Variants in ZNF618 observed in about 807,000 individuals in gnomAD.
ZNF618 encodes neural precursor cell expressed, developmentally down-regulated 10.
Under a neutral mutation model 103.0 loss-of-function variants are expected in ZNF618, and 34 were observed. That is an observed-to-expected ratio of 0.33 (90% CI 0.25 to 0.44). The LOEUF is 0.44. ZNF618 is among the 20% of genes least tolerant of loss of function. The probability of loss-of-function intolerance (pLI) is 1.00; values close to 1 mark genes in which losing one functional copy is unlikely to be tolerated. For synonymous variants in ZNF618, 551 were observed against 542.2 expected (o/e 1.02, Z -0.23); for missense variants, 1,059 against 1,295.4 (o/e 0.82, Z 2.80).
At chr9:113,901,867 C>T (rs528494034) in intron 1 of ZNF618, among the ~76,000 whole-genome samples, 37 of 152,142 alleles carry the variant, frequency 2.4e-4, no homozygotes, top group Middle Eastern at 3.4e-3. Context: ...TTTTCCTCTG[C>T]GTGTCTAACT....
intron 1 of ZNF618, among the ~76,000 whole-genome samples, chr9:113,899,287 C>T (rs1404057822): frequency 1.3e-5 from 2 of 152,174 alleles, no homozygotes; most frequent in Admixed American, 6.5e-5. Flanking sequence ...GCCCATTAAA[C>T]AGCCACTCCC....
In ZNF618 at chr9:114,053,234, A is replaced by G. The variant is rs1846241280; in HGVS notation, c.*3067A>G. 6.6e-6 allele frequency: 1 copy of G among 152,364 alleles called. No individual in the cohort carries two copies. The highest frequency in any genetic ancestry group is 6.5e-5 in the Admixed American group (1 of 15,268). 9.4% of individuals were successfully genotyped at this position (152,364 alleles called of 1,614,324 possible). On this transcript the variant is annotated 3_prime_UTR_variant, in exon 15 of 15. Coordinates refer to ENST00000374126, the MANE Select transcript of ZNF618 (RefSeq NM_001318042.2). ...CTTTATCTCCAACAATATCCACCTC[A>G]CCAAATTCTAGTTCAGCCAAAGGAT...
At chr9:113,899,726 G>A (rs1830350190) in intron 1 of ZNF618, among the ~76,000 whole-genome samples, 2 of 152,310 alleles carry the variant, frequency 1.3e-5, no homozygotes, top group South Asian at 4.1e-4. Flanking sequence ...GACTTACACA[G>A]CATTTGTGTT....
At chr9:113,995,484 C>T (rs956258417) in intron 3 of ZNF618, among the ~76,000 whole-genome samples, 5 of 152,078 alleles carry the variant, frequency 3.3e-5, no homozygotes, top group African/African-American at 2.4e-5. Context: ...AGACAAGATT[C>T]GACATTAATT....
At chr9:113,983,902 C>T (rs1839203835) in intron 2 of ZNF618, among the ~76,000 whole-genome samples, 1 of 152,146 alleles carries the variant, frequency 6.6e-6, no homozygotes, top group African/African-American at 2.4e-5. Context: ...TTCTGCTGTT[C>T]CAGTGGGCCC....
chr9:113,931,090 A>T (rs1306695138), intron 1 of ZNF618, among the ~76,000 whole-genome samples: 2 of 152,234 alleles, frequency 1.3e-5, no homozygotes, highest in Non-Finnish European at 2.9e-5. Flanking sequence ...TGGACACAGG[A>T]ATACACCATT....
chr9:113,951,421 A>ATG lies in ZNF618; in HGVS notation c.34-17686_34-17685dup, dbSNP rs141342636. On this transcript the variant is annotated intron_variant, in intron 1 of 14. Coordinates refer to ENST00000374126, the MANE Select transcript of ZNF618 (RefSeq NM_001318042.2). The stretch of plus-strand genomic sequence containing the variant: ...TATATACGTATATATACACACATAT[A>ATG]TGTGTGTGTGTATATATATACATAT... Among the ~76,000 whole-genome samples the ATG allele has an allele frequency of 9.5e-4, 14 of 14,750 alleles. 1 individual carries two copies. Among genetic ancestry groups the ATG allele is most frequent in the South Asian group, 0.01 (2 of 192 alleles). 9.7% of individuals were successfully genotyped at this position (14,750 alleles called of 152,430 possible). A position where few individuals can be genotyped will look rare whatever the true frequency, so the allele number is the denominator to read the frequency against.
At chr9:114,025,647 T>A (rs1270262792) in intron 10 of ZNF618, among the ~76,000 whole-genome samples, 1 of 152,138 alleles carries the variant, frequency 6.6e-6, no homozygotes, top group African/African-American at 2.4e-5. Context: ...CCTGGGACAT[T>A]GATCCTGGCC....
chr9:113,883,998 C>T (rs923968230), intron 1 of ZNF618, among the ~76,000 whole-genome samples: 2 of 55,000 alleles, frequency 3.6e-5, no homozygotes, highest in African/African-American at 1.1e-4. Flanking sequence ...CCCCCCCCCC[C>T]CCCCGCCCTG....
chr9:113,919,637 C>T (rs1306167654), intron 1 of ZNF618, among the ~76,000 whole-genome samples: 1 of 152,116 alleles, frequency 6.6e-6, no homozygotes, highest in African/African-American at 2.4e-5. Flanking sequence ...AACGGCGGGG[C>T]CAGCCCTCTC....
Position 114,054,359 on chromosome 9 carries a change from A to G in ZNF618, c.*4192A>G, listed in dbSNP as rs2134781406. 2 of 152,380 alleles carry G rather than the reference A, an allele frequency of 1.3e-5. No individual in the cohort carries two copies. Among genetic ancestry groups the G allele is most frequent in the East Asian group, 3.9e-4 (2 of 5,174 alleles). The allele number at this position is 152,380 out of a possible 1,614,324, so 9.4% of individuals were successfully genotyped here. A position where few individuals can be genotyped will look rare whatever the true frequency, so the allele number is the denominator to read the frequency against. On this transcript the variant is annotated 3_prime_UTR_variant, in exon 15 of 15. Transcript: ENST00000374126. ...TGGCTCCATTGGGGACACTCCCCTC[A>G]TCTTGTCATCACGATGGATATGCTG...
chr9:113,918,556 C>G (rs776564991), intron 1 of ZNF618, among the ~76,000 whole-genome samples: 6 of 151,930 alleles, frequency 3.9e-5, no homozygotes, highest in Non-Finnish European at 7.4e-5. Flanking sequence ...AAGATCTCTC[C>G]TTTCTCCTCC....
chr9:113,975,197 A>G (rs1838365394), intron 2 of ZNF618, among the ~76,000 whole-genome samples: 2 of 152,076 alleles, frequency 1.3e-5, no homozygotes, highest in Admixed American at 1.3e-4. Flanking sequence ...CATGATCCAA[A>G]TATGTGTCTT....
intron 1 of ZNF618, among the ~76,000 whole-genome samples, chr9:113,951,623 A>G (rs1003552064): frequency 6.9e-6 from 1 of 144,966 alleles, no homozygotes; most frequent in African/African-American, 2.5e-5. Context: ...ATATATATGT[A>G]TATATACTCC....
In ZNF618 at chr9:114,050,433, TGCACACAC is replaced by T. The variant is rs1401305213; in HGVS notation, c.*275_*282del. ...CTCATCTCCATGGCCAGAGAAACTT[TGCACACAC>T]GCACACACACACACACACACACACA... On this transcript the variant is annotated 3_prime_UTR_variant, in exon 15 of 15. Transcript: ENST00000374126. 3.7e-5 allele frequency: 13 copies of T among 351,742 alleles called. No homozygotes were observed. The highest frequency in any genetic ancestry group is 3.5e-4 in the South Asian group (9 of 25,808). The allele number at this position is 351,742 out of a possible 1,614,324, so 21.8% of individuals were successfully genotyped here.
At chr9:113,948,115 T>G (rs1445683272) in intron 1 of ZNF618, among the ~76,000 whole-genome samples, 1 of 152,218 alleles carries the variant, frequency 6.6e-6, no homozygotes, top group Non-Finnish European at 1.5e-5. Flanking sequence ...TGGATTTCAA[T>G]GAGTCTTTCT....
chr9:113,907,734 A>G (rs1025532863), intron 1 of ZNF618, among the ~76,000 whole-genome samples: 2 of 151,632 alleles, frequency 1.3e-5, no homozygotes, highest in Non-Finnish European at 2.9e-5. Flanking sequence ...TGTCTAACCA[A>G]CTCCCCAGGC....
chr9:114,000,615 C>G (rs1385664620), intron 4 of ZNF618, among the ~76,000 whole-genome samples: 1 of 152,144 alleles, frequency 6.6e-6, no homozygotes, highest in African/African-American at 2.4e-5. Context: ...CAGAGCTGAA[C>G]TAGGCTTCAG....
rs1306161813 is a variant in ZNF618, at chr9:114,049,070, G to A, written c.1768G>A (p.Asp590Asn). 6.2e-7 allele frequency: 1 copy of A among 1,613,882 alleles called. No individual in the cohort carries two copies. Among genetic ancestry groups the A allele is most frequent in the Non-Finnish European group, 8.5e-7 (1 of 1,179,904 alleles). The change falls in exon 15 of 15, where the codon GAC becomes AAC. Residue 590 changes from aspartate (D) to asparagine (N), a missense_variant. Around this residue, in one of 6 missense-constraint regions of ZNF618, gnomAD observed 272 missense variants for 380.1 expected, o/e 0.72. Coordinates refer to ENST00000374126, the MANE Select transcript of ZNF618 (RefSeq NM_001318042.2). ...VLGVKGADIRDSGDLVHHWVQ... is the reference protein window; with the variant it reads ...VLGVKGADIRNSGDLVHHWVQ... Reference sequence around the variant, plus strand: ...TGGTGTGAAGGGTGCGGACATTCGCGACAGCGGTGACCTTGTGCACCACTG... The same window carrying A: ...TGGTGTGAAGGGTGCGGACATTCGCAACAGCGGTGACCTTGTGCACCACTG...
Sources: allele counts gnomAD v4.1 joint callset (sites outside exome capture counted in the v4.1 genomes callset), GRCh38; gene constraint gnomAD v4.1.1; regional missense constraint gnomAD v4.1.1; transcripts MANE v1.5; gene names NCBI Gene and HGNC (gene_info 2026-07-23, HGNC 2026-07-21).